DCTD: variants seen among roughly 807,000 people sequenced by gnomAD.
The protein encoded by DCTD is deoxycytidylate deaminase.
DCTD carries 23 observed loss-of-function variants against 21.0 expected under a neutral mutation model. The ratio of observed to expected loss-of-function variants is 1.09; its 90% CI spans 0.79 to 1.55. The LOEUF is 1.55. Ranked by LOEUF, DCTD falls within the 40% of genes most tolerant of loss-of-function variation. The pLI is 0.00. For missense variants in DCTD, 224 were observed against 230.0 expected (o/e 0.97, Z 0.17); for synonymous variants, 71 against 81.1 (o/e 0.88, Z 0.67).
chr4:182,905,216 T>G (rs1736455941), intron 3 of DCTD, among the ~76,000 whole-genome samples: 1 of 152,080 alleles, frequency 6.6e-6, no homozygotes, highest in African/African-American at 2.4e-5. Flanking sequence ...TGTACTTGGC[T>G]GAAACTGTAC....
intron 5 of DCTD, among the ~76,000 whole-genome samples, chr4:182,891,963 T>C (rs1290217429): frequency 2.6e-5 from 4 of 151,664 alleles, no homozygotes; most frequent in African/African-American, 7.3e-5. Context: ...CCAACTTTTT[T>C]TTTTTTTTTT....
intron 5 of DCTD, among the ~76,000 whole-genome samples, chr4:182,892,771 G>A (rs951309087): frequency 2.1e-4 from 32 of 152,186 alleles, no homozygotes; most frequent in African/African-American, 6.5e-4. Context: ...AAACTTCTCA[G>A]TACTTGAATA....
chr4:182,891,822 T>C (rs1276533307), intron 5 of DCTD, among the ~76,000 whole-genome samples: 2 of 152,242 alleles, frequency 1.3e-5, no homozygotes, highest in South Asian at 4.1e-4. Context: ...GAAAAATTTC[T>C]GCAGCCAACT....
chr4:182,917,122 C>T lies in DCTD; in HGVS notation c.-8+189G>A. ...ATCGACCCTGGAGTGACTGCGGGGA[C>T]CCCGAGCGCCCCCACCCCGCCCGCA... On this transcript the variant is annotated intron_variant, in intron 1 of 5. Coordinates refer to ENST00000438320, the MANE Select transcript of DCTD (RefSeq NM_001921.3). The surrounding 1 kb of genome is among the most constrained non-coding windows in gnomAD (Gnocchi z 4.9). 5 of 987,636 alleles carry T rather than the reference C, an allele frequency of 5.1e-6. No individual in the cohort carries two copies. The highest frequency in any genetic ancestry group is 6.0e-6 in the Non-Finnish European group (5 of 831,694). The allele number at this position is 987,636 out of a possible 1,614,324, so 61.2% of individuals were successfully genotyped here.
intron 3 of DCTD, among the ~76,000 whole-genome samples, chr4:182,908,223 T>C (rs1579748750): frequency 6.6e-6 from 1 of 151,836 alleles, no homozygotes; most frequent in African/African-American, 2.4e-5. Flanking sequence ...CAAAATACAA[T>C]AAAGCTTTAG....
At chr4:182,891,897 A>G (rs1404565942) in intron 5 of DCTD, among the ~76,000 whole-genome samples, 1 of 152,014 alleles carries the variant, frequency 6.6e-6, no homozygotes. Context: ...GCAAAAAACG[A>G]CTACCTTTAG....
At chr4:182,902,655 T>C (rs1210858830) in intron 3 of DCTD, among the ~76,000 whole-genome samples, 2 of 152,236 alleles carry the variant, frequency 1.3e-5, no homozygotes, top group African/African-American at 4.8e-5. Flanking sequence ...TTTAAAACTT[T>C]CGCAGTTTCC....
At chr4:182,916,823 A>G in intron 1 of DCTD, 2 of 1,106,572 alleles carry the variant, frequency 1.8e-6, no homozygotes, top group Non-Finnish European at 1.1e-6. Flanking sequence ...GTGTGGCTGA[A>G]CGCCCACTAG....
intron 3 of DCTD, among the ~76,000 whole-genome samples, chr4:182,904,982 A>G (rs955898219): frequency 1.3e-5 from 2 of 152,228 alleles, no homozygotes; most frequent in African/African-American, 4.8e-5. Context: ...TGTCTGCTAC[A>G]GAAAAGCAAA....
chr4:182,915,411 A>G (rs1234787805), intron 2 of DCTD, 50 bp downstream of exon 2: 1 of 1,216,240 alleles, frequency 8.2e-7, no homozygotes. Context: ...CATGTGCAGT[A>G]ATCTCTTTGC....
intron 3 of DCTD, among the ~76,000 whole-genome samples, chr4:182,906,520 A>G (rs894025123): frequency 6.6e-6 from 1 of 152,176 alleles, no homozygotes; most frequent in African/African-American, 2.4e-5. Context: ...AAAAACTCCA[A>G]CGCATTATAA....
At chr4:182,913,502 G>GAACATTAGTAAAATGT (rs1161993789) in intron 3 of DCTD, among the ~76,000 whole-genome samples, 14 of 152,190 alleles carry the variant, frequency 9.2e-5, no homozygotes, top group African/African-American at 3.4e-4. Context: ...CATGATTGAG[G>GAACATTAGTAAAATGT]TCCAGGAACA....
At chr4:182,897,427 C>T (rs1281999463) in intron 3 of DCTD, among the ~76,000 whole-genome samples, 1 of 150,544 alleles carries the variant, frequency 6.6e-6, no homozygotes, top group Non-Finnish European at 1.5e-5. Context: ...TTTAAGAGGA[C>T]TTTCAGTACT....
At chr4:182,915,693 A>G in intron 1 of DCTD, 118 bp from the exon 2 acceptor site, 1 of 820,950 alleles carries the variant, frequency 1.2e-6, no homozygotes, top group Non-Finnish European at 2.0e-6. Context: ...CTTCAGCTAC[A>G]TTTATCAATC....
intron 3 of DCTD, among the ~76,000 whole-genome samples, chr4:182,901,303 T>C (rs953079016): frequency 6.6e-6 from 1 of 152,150 alleles, no homozygotes; most frequent in African/African-American, 2.4e-5. Context: ...CCTGAGAAAA[T>C]TTGGAGTCAG....
intron 4 of DCTD, 97 bp downstream of exon 4, chr4:182,894,392 C>A: frequency 1.4e-6 from 1 of 740,144 alleles, no homozygotes. Flanking sequence ...TAATTTAGAT[C>A]TAAACAATAG....
chr4:182,901,578 G>A (rs1384634045), intron 3 of DCTD, among the ~76,000 whole-genome samples: 2 of 152,158 alleles, frequency 1.3e-5, no homozygotes, highest in East Asian at 1.9e-4. Context: ...CGCCACCCCA[G>A]GCTGAGCCGT....
chr4:182,908,621 T>C (rs914687817), intron 3 of DCTD, among the ~76,000 whole-genome samples: 9 of 139,222 alleles, frequency 6.5e-5, no homozygotes, highest in Admixed American at 2.4e-4. Context: ...AGGTGGAGGC[T>C]GCAGTGAGCC....
intron 3 of DCTD, among the ~76,000 whole-genome samples, chr4:182,897,688 C>A (rs1310349285): frequency 6.6e-6 from 1 of 152,184 alleles, no homozygotes; most frequent in Admixed American, 6.5e-5. Context: ...CCACCCTGGT[C>A]TCTCTTGCTG....
Sources: allele counts gnomAD v4.1 joint callset (sites outside exome capture counted in the v4.1 genomes callset), GRCh38; gene constraint gnomAD v4.1.1; non-coding constraint Gnocchi (gnomAD v3.1); transcripts MANE v1.5; gene names NCBI Gene and HGNC (gene_info 2026-07-23, HGNC 2026-07-21).